The following PLCG1 variants were observed in gnomAD, a reference collection of about 807,000 sequenced individuals.
PLCG1 encodes 1-phosphatidylinositol 4,5-bisphosphate phosphodiesterase gamma-1.
In PLCG1, 71 loss-of-function variants were observed where a neutral mutation model predicts 177.8. That is an observed-to-expected ratio of 0.40 (90% CI 0.33 to 0.49). PLCG1 has a LOEUF of 0.49. Ranked by LOEUF, PLCG1 falls within the 20% of genes least tolerant of loss-of-function variation. The pLI is 0.72. For synonymous variants in PLCG1, 658 were observed against 647.9 expected, an observed-to-expected ratio of 1.02 and a Z score of -0.24; for missense variants, 1,281 against 1,709.0, an observed-to-expected ratio of 0.75 and a Z score of 4.42.
Position 41,168,832 on chromosome 20 carries a change from C to A in PLCG1, c.2445C>A (p.Ser815Arg). 1 of 1,612,148 alleles carries A rather than the reference C, an allele frequency of 6.2e-7. No individual in the cohort carries two copies. Among genetic ancestry groups the A allele is most frequent in the Non-Finnish European group, 8.5e-7 (1 of 1,179,088 alleles). The change falls in exon 21 of 32, where the codon AGC (serine) becomes AGA (arginine). Residue 815 changes from serine (S) to arginine (R), a missense_variant. By Grantham distance (110) the Ser-to-Arg change is moderately radical (BLOSUM62 -1). Around this residue, in one of 4 missense-constraint regions of PLCG1, gnomAD observed 723 missense variants for 1,030.0 expected, o/e 0.70. Coordinates refer to ENST00000685551, the MANE Select transcript of PLCG1 (RefSeq NM_002660.3). ...AGGACGAGCTGACCTTCATCAAGAG[C>A]GCCATCATCCAGAATGTGGAGAAGC... Reference protein sequence around the residue: ...QREDELTFIKSAIIQNVEKQE... With the variant: ...QREDELTFIKRAIIQNVEKQE...
Position 41,163,298 on chromosome 20 carries a change from C to G in PLCG1, c.789+23C>G. On this transcript the variant is annotated intron_variant, in intron 8 of 31. Transcript: ENST00000685551. The surrounding 1 kb of genome is among the most constrained non-coding windows in gnomAD (Gnocchi z 5.2). ...GGGGTATGGCTGGGCTGACATTGGCCCAGGCTGGTAGGTTGTGGGGGGCTG... is the reference window on the plus strand; with the variant it reads ...GGGGTATGGCTGGGCTGACATTGGCGCAGGCTGGTAGGTTGTGGGGGGCTG... The G allele has an allele frequency of 6.3e-7, 1 of 1,584,866 alleles. No homozygotes were observed. Among genetic ancestry groups the G allele is most frequent in the South Asian group, 1.1e-5 (1 of 87,752 alleles).
Position 41,172,376 on chromosome 20 carries a change from T to TC in PLCG1, c.2906-43dup, listed in dbSNP as rs2035930719. The TC allele has an allele frequency of 6.3e-7, 1 of 1,593,926 alleles. No homozygotes were observed. Among genetic ancestry groups the TC allele is most frequent in the Non-Finnish European group, 8.6e-7 (1 of 1,161,666 alleles). Reference sequence around the variant, plus strand: ...AGTATTTAGGTATCCCCCCAACACTTCCTGGGTGGGCGGGCTCTGTAAGTG... The same window carrying TC: ...AGTATTTAGGTATCCCCCCAACACTTCCCTGGGTGGGCGGGCTCTGTAAGTG... On this transcript the variant is annotated intron_variant, in intron 25 of 31. Coordinates refer to ENST00000685551, the MANE Select transcript of PLCG1 (RefSeq NM_002660.3). This position sits in a 1 kb window ranked among gnomAD's most constrained non-coding sequence, Gnocchi z 7.0.
intron 24 of PLCG1, chr20:41,170,902 G>A (rs2035876747): frequency 6.5e-6 from 1 of 152,814 alleles, no homozygotes; most frequent in South Asian, 2.1e-4. Flanking sequence ...CAGAGCCTTT[G>A]TAGGGCCTGT....
In PLCG1 at chr20:41,146,472, C is replaced by T. The variant is rs573782986; in HGVS notation, c.217+8614C>T. On this transcript the variant is annotated intron_variant, in intron 1 of 31. Transcript: ENST00000685551. This position sits in a 1 kb window ranked among gnomAD's most constrained non-coding sequence, Gnocchi z 6.3. ...GTACAAAGGCTGTGAGGGGCCTGGG[C>T]GCAAGGCAGCAAGGCTTGGGTACGG... Among the ~76,000 whole-genome samples the T allele has an allele frequency of 7.9e-5, 12 of 152,322 alleles. No individual in the cohort carries two copies. In the East Asian group the frequency reaches 2.1e-3, roughly 27 times the overall value.
chr20:41,160,256 G>A lies in PLCG1; in HGVS notation c.512+103G>A. ...GCCCGGAGAGCCAGAGGACCCAGGG[G>A]ACCTTAAGTGGGGCCAGGAGGGTGG... is the stretch of plus-strand genomic sequence containing the variant. On this transcript the variant is annotated intron_variant, in intron 4 of 31. Transcript: ENST00000685551. The surrounding 1 kb of genome is among the most constrained non-coding windows in gnomAD (Gnocchi z 5.5). 9.6e-7 allele frequency: 1 copy of A among 1,039,758 alleles called. No individual in the cohort carries two copies. Among genetic ancestry groups the A allele is most frequent in the Non-Finnish European group, 1.5e-6 (1 of 671,550 alleles). The allele number at this position is 1,039,758 out of a possible 1,614,324, so 64.4% of individuals were successfully genotyped here.
intron 1 of PLCG1, among the ~76,000 whole-genome samples, chr20:41,155,322 G>T (rs1363813819): frequency 2.0e-5 from 3 of 152,220 alleles, no homozygotes; most frequent in African/African-American, 7.2e-5. Flanking sequence ...GTGAGGTAGT[G>T]TGCCTACATG....
intron 20 of PLCG1, 102 bp downstream of exon 20, chr20:41,168,031 G>A (rs1029616523): frequency 1.2e-6 from 1 of 836,154 alleles, no homozygotes; most frequent in African/African-American, 1.7e-5. Flanking sequence ...GTGGAGAAGT[G>A]GTGGTTGTGG....
In PLCG1 at chr20:41,151,263, T is replaced by C. The variant is rs1359851386; in HGVS notation, c.218-8343T>C. ...CCAGTGTCAGGGATAGCAGCTGCTG[T>C]GGGGACACTGCAGAGTGTCCCAGTT... On this transcript the variant is annotated intron_variant, in intron 1 of 31. Coordinates refer to ENST00000685551, the MANE Select transcript of PLCG1 (RefSeq NM_002660.3). This position sits in a 1 kb window ranked among gnomAD's most constrained non-coding sequence, Gnocchi z 5.5. Among the ~76,000 whole-genome samples, 1 of 152,194 alleles carries C rather than the reference T, an allele frequency of 6.6e-6. No homozygotes were observed. Among genetic ancestry groups the C allele is most frequent in the South Asian group, 2.1e-4 (1 of 4,832 alleles).
At position 41,148,962 on chromosome 20, in the gene PLCG1, T is replaced by G. The variant is rs1337581972; in HGVS notation, c.218-10644T>G. Reference sequence around the variant, plus strand: ...ACCTCTTTGTGCTCAATTTCCTCACTCGGGAATTGGGGACCCTAATACTTA... The same window carrying G: ...ACCTCTTTGTGCTCAATTTCCTCACGCGGGAATTGGGGACCCTAATACTTA... On this transcript the variant is annotated intron_variant, in intron 1 of 31. Transcript: ENST00000685551. The surrounding 1 kb of genome is among the most constrained non-coding windows in gnomAD (Gnocchi z 4.3). 6.6e-6 allele frequency among the ~76,000 whole-genome samples: 1 copy of G among 152,252 alleles called. No individual in the cohort carries two copies.
In PLCG1 at chr20:41,163,693, C is replaced by G. The variant is rs2035590047; in HGVS notation, c.892-22C>G. On this transcript the variant is annotated intron_variant, in intron 9 of 31. Coordinates refer to ENST00000685551, the MANE Select transcript of PLCG1 (RefSeq NM_002660.3). The surrounding 1 kb of genome is among the most constrained non-coding windows in gnomAD (Gnocchi z 5.2). The stretch of plus-strand genomic sequence containing the variant: ...CAGGGCAGGGACTCACTGTCTCTTC[C>G]CTTCCACATGTTTCTGGACAGTTTG... 7.3e-6 allele frequency: 11 copies of G among 1,506,092 alleles called. No homozygotes were observed. Among genetic ancestry groups the G allele is most frequent in the Non-Finnish European group, 1.0e-5 (11 of 1,081,488 alleles). 93.3% of individuals were successfully genotyped at this position (1,506,092 alleles called of 1,614,324 possible).
At chr20:41,169,753 G>A (rs1328063162) in intron 23 of PLCG1, 3 of 581,474 alleles carry the variant, frequency 5.2e-6, no homozygotes, top group South Asian at 2.2e-5. Context: ...GAACCCGTCA[G>A]AATCAGCAGA....
chr20:41,172,329 A>G lies in PLCG1; in HGVS notation c.2905+40A>G. On this transcript the variant is annotated intron_variant, in intron 25 of 31. Coordinates refer to ENST00000685551, the MANE Select transcript of PLCG1 (RefSeq NM_002660.3). This position sits in a 1 kb window ranked among gnomAD's most constrained non-coding sequence, Gnocchi z 7.0. The stretch of plus-strand genomic sequence containing the variant: ...CCAGGCGGGGTGTGCATGTGCCTGG[A>G]GGGCCTGGTGGGTGCAAAAAGAGTA... The G allele has an allele frequency of 1.3e-6, 2 of 1,578,670 alleles. No individual in the cohort carries two copies. Among genetic ancestry groups the G allele is most frequent in the Non-Finnish European group, 1.7e-6 (2 of 1,147,642 alleles).
intron 20 of PLCG1, 91 bp downstream of exon 20, chr20:41,168,020 T>C: frequency 9.0e-6 from 8 of 887,584 alleles, no homozygotes; most frequent in South Asian, 8.3e-5. Context: ...CTGTGGTCTT[T>C]GTGGAGAAGT....
rs772873324 is a variant in PLCG1 at position 41,159,807 on chromosome 20, T to A, written c.370+49T>A. 25 of 1,613,306 alleles carry A rather than the reference T, an allele frequency of 1.5e-5. No individual in the cohort carries two copies. In the South Asian group the frequency reaches 2.6e-4, roughly 17 times the overall value. On this transcript the variant is annotated intron_variant, in intron 2 of 31. Coordinates refer to ENST00000685551, the MANE Select transcript of PLCG1 (RefSeq NM_002660.3). This position sits in a 1 kb window ranked among gnomAD's most constrained non-coding sequence, Gnocchi z 6.0. ...GGTAGAGGATAGTTAGGGGAATGCC[T>A]GCTGGCTCCTGCCCAGTGGGAGGTA... is the stretch of plus-strand genomic sequence containing the variant.
chr20:41,162,113 G>A lies in PLCG1; in HGVS notation c.513-339G>A, dbSNP rs1479377774. 2.0e-5 allele frequency among the ~76,000 whole-genome samples: 3 copies of A among 152,152 alleles called. No individual in the cohort carries two copies. The East Asian group carries it at 5.8e-4, about 29-fold the overall frequency. On this transcript the variant is annotated intron_variant, in intron 4 of 31. Transcript: ENST00000685551. ...TGCCACCTTGGCACAGGCCTCAGCA[G>A]TGCCGGTAGGAGGGGAGGCCTGGAG...
At position 41,172,660 on chromosome 20, in the gene PLCG1, T is replaced by G. The variant is rs1180180619; in HGVS notation, c.3130+15T>G. The G allele has an allele frequency of 1.2e-6, 2 of 1,613,160 alleles. No individual in the cohort carries two copies. Among genetic ancestry groups the G allele is most frequent in the Admixed American group, 1.7e-5 (1 of 59,968 alleles). On this transcript the variant is annotated intron_variant, in intron 26 of 31. Transcript: ENST00000685551. The surrounding 1 kb of genome is among the most constrained non-coding windows in gnomAD (Gnocchi z 7.0). ...CCAGACCCCTGGTGAGGAAGTCCCC[T>G]GTGAGGAGGGTGAGGAGGGGCACTG...
chr20:41,152,358 A>G (rs911325115), intron 1 of PLCG1, among the ~76,000 whole-genome samples: 2 of 152,200 alleles, frequency 1.3e-5, no homozygotes, highest in African/African-American at 2.4e-5. Flanking sequence ...CACTGGCTAT[A>G]GGAATCTTTA....
Position 41,164,900 on chromosome 20 carries a change from T to C in PLCG1, c.1218-33T>C. Reference sequence around the variant, plus strand: ...TACTTAGACCCAGAGAATTGCAGAATCTGTTTCACTGTGCTTGTCCCCCAT... The same window carrying C: ...TACTTAGACCCAGAGAATTGCAGAACCTGTTTCACTGTGCTTGTCCCCCAT... On this transcript the variant is annotated intron_variant, in intron 12 of 31. Coordinates refer to ENST00000685551, the MANE Select transcript of PLCG1 (RefSeq NM_002660.3). The surrounding 1 kb of genome is among the most constrained non-coding windows in gnomAD (Gnocchi z 6.4). The C allele has an allele frequency of 1.3e-6, 2 of 1,598,150 alleles. No individual in the cohort carries two copies. The highest frequency in any genetic ancestry group is 1.7e-6 in the Non-Finnish European group (2 of 1,169,062).
chr20:41,140,454 A>G (rs914085420), intron 1 of PLCG1, among the ~76,000 whole-genome samples: 5 of 152,062 alleles, frequency 3.3e-5, no homozygotes, highest in Admixed American at 1.3e-4. Context: ...TGCTGACCCT[A>G]CCAGGGTACC....
Sources: gnomAD v4.1 joint callset for allele counts (sites outside exome capture counted in the v4.1 genomes callset) on GRCh38, gnomAD v4.1.1 for gene constraint, gnomAD v4.1.1 regional missense constraint, Gnocchi (gnomAD v3.1) non-coding constraint, MANE v1.5 for transcripts, NCBI Gene and HGNC (gene_info 2026-07-23, HGNC 2026-07-21) for gene names.